Variants in AVPR1B observed in about 807,000 individuals in gnomAD.
The protein encoded by AVPR1B is arginine vasopressin receptor 1B.
AVPR1B carries 25 observed loss-of-function variants against 27.5 expected under a neutral mutation model. The ratio of observed to expected loss-of-function variants is 0.91; its 90% confidence interval spans 0.66 to 1.27. The LOEUF (loss-of-function observed/expected upper bound fraction) is 1.27. Ranked by LOEUF, AVPR1B falls within the 50% of genes most tolerant of loss-of-function variation. The probability of loss-of-function intolerance (pLI) is 0.00; values close to 1 mark genes in which losing one functional copy is unlikely to be tolerated. For missense variants in AVPR1B, 595 were observed against 556.9 expected (o/e 1.07, Z -0.69); for synonymous variants, 248 against 240.2 (o/e 1.03, Z -0.30).
Position 206,117,175 on chromosome 1 carries a change from T to G in AVPR1B, c.-285A>C. On this transcript the variant is annotated 5_prime_UTR_variant, in exon 1 of 2. Coordinates refer to ENST00000367126, the MANE Select transcript of AVPR1B (RefSeq NM_000707.5). The stretch of plus-strand genomic sequence containing the variant: ...AGGACGGGAAGAATGGGGGACGCTG[T>G]GCAGAGTGAGGCTTCTGGGAGGGAA... 2.4e-6 allele frequency: 1 copy of G among 418,718 alleles called. No homozygotes were observed. Among genetic ancestry groups the G allele is most frequent in the Non-Finnish European group, 4.3e-6 (1 of 234,456 alleles). The allele number at this position is 418,718 out of a possible 1,614,324, so 25.9% of individuals were successfully genotyped here. A position where few individuals can be genotyped will look rare whatever the true frequency, so the allele number is the denominator to read the frequency against.
Position 206,108,664 on chromosome 1 carries a change from T to C in AVPR1B, c.*1525A>G, listed in dbSNP as rs1160126995. Reference sequence around the variant, plus strand: ...AGCTAGCAAGGACTGGCCAGCATTTTATTGATGTGTGTCATTGGTGGTGGC... The same window carrying C: ...AGCTAGCAAGGACTGGCCAGCATTTCATTGATGTGTGTCATTGGTGGTGGC... On this transcript the variant is annotated 3_prime_UTR_variant, in exon 2 of 2. Coordinates refer to ENST00000367126, the MANE Select transcript of AVPR1B (RefSeq NM_000707.5). Among the ~76,000 whole-genome samples, 1 of 152,274 alleles carries C rather than the reference T, an allele frequency of 6.6e-6. No individual in the cohort carries two copies. The highest frequency in any genetic ancestry group is 2.4e-5 in the African/African-American group (1 of 41,470).
chr1:206,112,978 T>C (rs1156629878), intron 1 of AVPR1B, among the ~76,000 whole-genome samples: 1 of 152,238 alleles, frequency 6.6e-6, no homozygotes, highest in African/African-American at 2.4e-5. Flanking sequence ...AGTTAATGTG[T>C]AACTACAAGT....
Sources: gnomAD v4.1 joint callset for allele counts (sites outside exome capture counted in the v4.1 genomes callset) on GRCh38, gnomAD v4.1.1 for gene constraint, MANE v1.5 for transcripts, NCBI Gene and HGNC (gene_info 2026-07-23, HGNC 2026-07-21) for gene names.